MAP3K4: variants seen among roughly 807,000 people sequenced by gnomAD.
The protein encoded by MAP3K4 is mitogen-activated protein kinase kinase kinase 4, also known as MAP three kinase 1.
MAP3K4 carries 67 observed loss-of-function variants against 185.6 expected under a neutral mutation model. The ratio of observed to expected loss-of-function variants is 0.36; its 90% CI spans 0.30 to 0.44. The LOEUF is 0.44. MAP3K4 is among the 20% of genes least tolerant of loss of function. MAP3K4 has a pLI of 1.00. For missense variants in MAP3K4, 1,551 were observed against 1,995.1 expected (o/e 0.78, Z 4.24); for synonymous variants, 702 against 710.4 (o/e 0.99, Z 0.19).
In MAP3K4 at chr6:161,114,314, G is replaced by T. The variant is rs543321413; in HGVS notation, c.4627-809G>T. Among the ~76,000 whole-genome samples, 1 of 152,090 alleles carries T rather than the reference G, an allele frequency of 6.6e-6. No homozygotes were observed. Among genetic ancestry groups the T allele is most frequent in the African/African-American group, 2.4e-5 (1 of 41,426 alleles). On this transcript the variant is annotated intron_variant, in intron 25 of 26. Transcript: ENST00000392142. The surrounding 1 kb of genome is among the most constrained non-coding windows in gnomAD (Gnocchi z 4.3). Reference sequence around the variant, plus strand: ...CATGAACTGCACATGGTAGCTTACCGTACACATACAGTATTATAGCAAAAA... The same window carrying T: ...CATGAACTGCACATGGTAGCTTACCTTACACATACAGTATTATAGCAAAAA...
At position 161,103,130 on chromosome 6, in the gene MAP3K4, A is replaced by T. The variant is rs1473504045; in HGVS notation, c.3856+351A>T. Among the ~76,000 whole-genome samples, 1 of 152,260 alleles carries T rather than the reference A, an allele frequency of 6.6e-6. No homozygotes were observed. The highest frequency in any genetic ancestry group is 2.4e-5 in the African/African-American group (1 of 41,472). On this transcript the variant is annotated intron_variant, in intron 19 of 26. Transcript: ENST00000392142. The surrounding 1 kb of genome is among the most constrained non-coding windows in gnomAD (Gnocchi z 4.6). ...CATTGAGGGAAAGAACTTACGAAGCATGTGATTAATATTATCAAAAGAACA... is the reference window on the plus strand; with the variant it reads ...CATTGAGGGAAAGAACTTACGAAGCTTGTGATTAATATTATCAAAAGAACA...
chr6:161,042,335 G>A (rs187643998), intron 2 of MAP3K4, among the ~76,000 whole-genome samples: 14 of 152,182 alleles, frequency 9.2e-5, no homozygotes, highest in African/African-American at 2.9e-4. Context: ...TTAAAAAAAG[G>A]CATTTTATCT....
Position 160,991,917 on chromosome 6 carries a change from G to A in MAP3K4, c.-15G>A. ...GCTTACTGCCCGCCGCGGCCATGCGGGGCTCCGTGCACGGATGAGAGAAGC... is the reference window on the plus strand; with the variant it reads ...GCTTACTGCCCGCCGCGGCCATGCGAGGCTCCGTGCACGGATGAGAGAAGC... On this transcript the variant is annotated 5_prime_UTR_variant, in exon 1 of 27. Coordinates refer to ENST00000392142, the MANE Select transcript of MAP3K4 (RefSeq NM_005922.4). The surrounding 1 kb of genome is among the most constrained non-coding windows in gnomAD (Gnocchi z 5.7). 2 of 1,514,256 alleles carry A rather than the reference G, an allele frequency of 1.3e-6. No individual in the cohort carries two copies. Among genetic ancestry groups the A allele is most frequent in the Admixed American group, 2.0e-5 (1 of 49,404 alleles). The allele number at this position is 1,514,256 out of a possible 1,614,324, so 93.8% of individuals were successfully genotyped here. A position where few individuals can be genotyped will look rare whatever the true frequency, so the allele number is the denominator to read the frequency against.
chr6:160,994,618 CAT>C (rs1312917437), intron 1 of MAP3K4, among the ~76,000 whole-genome samples: 1 of 152,126 alleles, frequency 6.6e-6, no homozygotes, highest in Non-Finnish European at 1.5e-5. Context: ...GTGTCTTTTT[CAT>C]ATGATTAGTT....
Position 161,098,501 on chromosome 6 carries a change from G to C in MAP3K4, c.3674+74G>C. The C allele has an allele frequency of 1.3e-6, 2 of 1,499,814 alleles. No homozygotes were observed. The highest frequency in any genetic ancestry group is 1.8e-6 in the Non-Finnish European group (2 of 1,117,814). The allele number at this position is 1,499,814 out of a possible 1,614,324, so 92.9% of individuals were successfully genotyped here. A position where few individuals can be genotyped will look rare whatever the true frequency, so the allele number is the denominator to read the frequency against. ...GCTTACACAGCAACCATAGTGTTAG[G>C]GTGTGTGCCGGCTGTGGTTGGGCTT... On this transcript the variant is annotated intron_variant, in intron 17 of 26. Coordinates refer to ENST00000392142, the MANE Select transcript of MAP3K4 (RefSeq NM_005922.4). The surrounding 1 kb of genome is among the most constrained non-coding windows in gnomAD (Gnocchi z 4.4).
chr6:161,047,560 T>C (rs1783791960), intron 2 of MAP3K4, among the ~76,000 whole-genome samples: 1 of 151,950 alleles, frequency 6.6e-6, no homozygotes. Flanking sequence ...GTGTAGAGGG[T>C]AGATTGAGAT....
rs1411532909 is a variant in MAP3K4, at chr6:161,037,540, T to C, written c.343+3091T>C. Among the ~76,000 whole-genome samples the C allele has an allele frequency of 6.6e-6, 1 of 152,114 alleles. No homozygotes were observed. The highest frequency in any genetic ancestry group is 1.9e-4 in the East Asian group (1 of 5,182). ...TTCAAGCAATTCTCCTGCCTCACCCTCCCGAGTAGCTAGGACTACAGGCAT... is the reference window on the plus strand; with the variant it reads ...TTCAAGCAATTCTCCTGCCTCACCCCCCCGAGTAGCTAGGACTACAGGCAT... On this transcript the variant is annotated intron_variant, in intron 2 of 26. Coordinates refer to ENST00000392142, the MANE Select transcript of MAP3K4 (RefSeq NM_005922.4). This position sits in a 1 kb window ranked among gnomAD's most constrained non-coding sequence, Gnocchi z 4.2.
rs146392673 is a variant in MAP3K4 at position 161,115,247 on chromosome 6, G to A, written c.4751G>A (p.Ser1584Asn). ...GACTTCCTTTCTCACTGCCTTGAGA[G>A]TGACCCAAAGATGAGATGGACCGCC... ...GKDFLSHCLE[S>N]DPKMRWTASQ... Residue 1584 changes from serine to asparagine, a missense_variant, in exon 26 of 27, where the codon AGT becomes AAT. By Grantham distance (46) the Ser-to-Asn change is conservative. Coordinates refer to ENST00000392142, the MANE Select transcript of MAP3K4 (RefSeq NM_005922.4). The surrounding 1 kb of genome is among the most constrained non-coding windows in gnomAD (Gnocchi z 6.0). 2.4e-5 allele frequency: 39 copies of A among 1,614,056 alleles called. No homozygotes were observed. Among genetic ancestry groups the A allele is most frequent in the Non-Finnish European group, 3.0e-5 (35 of 1,180,002 alleles).
Position 161,070,644 on chromosome 6 carries a change from T to A in MAP3K4, c.1744T>A (p.Tyr582Asn). Residue 582 changes from tyrosine to asparagine, a missense_variant, in exon 4 of 27, where the codon TAT becomes AAT. Physicochemically the swap from Tyr to Asn is moderately radical, Grantham distance 143. Transcript: ENST00000392142. The surrounding 1 kb of genome is among the most constrained non-coding windows in gnomAD (Gnocchi z 4.5). ...TCCAGATCCCATGTGGGGTTCAGAT[T>A]ATGTGCAGTTGTCAAGGACACCACC... ...EFPDPMWGSD[Y>N]VQLSRTPPSS... 6.2e-7 allele frequency: 1 copy of A among 1,614,002 alleles called. No homozygotes were observed. Among genetic ancestry groups the A allele is most frequent in the Non-Finnish European group, 8.5e-7 (1 of 1,179,982 alleles).
In MAP3K4 at chr6:161,073,905, A is replaced by G. The variant is rs979463569; in HGVS notation, c.2097+293A>G. Among the ~76,000 whole-genome samples the G allele has an allele frequency of 6.6e-6, 1 of 152,218 alleles. No individual in the cohort carries two copies. The highest frequency in any genetic ancestry group is 2.4e-5 in the African/African-American group (1 of 41,452). ...GTTTTTAAGTTGGAAGTTTTTGACA[A>G]ACGTTAACCTAGTTCATTCTTTACT... On this transcript the variant is annotated intron_variant, in intron 5 of 26. Transcript: ENST00000392142. The surrounding 1 kb of genome is among the most constrained non-coding windows in gnomAD (Gnocchi z 4.2).
chr6:160,992,563 A>G (rs1272981748), intron 1 of MAP3K4, among the ~76,000 whole-genome samples: 1 of 152,166 alleles, frequency 6.6e-6, no homozygotes, highest in Non-Finnish European at 1.5e-5. Context: ...TGCCCGCTCC[A>G]GAGAATGCCT....
In MAP3K4 at chr6:161,022,108, C is replaced by T. The variant is rs1313218327; in HGVS notation, c.153-12151C>T. ...GCTGTTTTCTATTTCAACACACGCACACCGGCACACACCCAGGCTCATGTG... is the reference window on the plus strand; with the variant it reads ...GCTGTTTTCTATTTCAACACACGCATACCGGCACACACCCAGGCTCATGTG... On this transcript the variant is annotated intron_variant, in intron 1 of 26. Coordinates refer to ENST00000392142, the MANE Select transcript of MAP3K4 (RefSeq NM_005922.4). The surrounding 1 kb of genome is among the most constrained non-coding windows in gnomAD (Gnocchi z 4.2). 6.6e-6 allele frequency: 1 copy of T among 152,144 alleles called. No individual in the cohort carries two copies. Among genetic ancestry groups the T allele is most frequent in the Non-Finnish European group, 1.5e-5 (1 of 68,028 alleles). 9.4% of individuals were successfully genotyped at this position (152,144 alleles called of 1,614,324 possible).
chr6:161,016,085 A>T (rs1203837573), intron 1 of MAP3K4, among the ~76,000 whole-genome samples: 1 of 152,212 alleles, frequency 6.6e-6, no homozygotes, highest in Admixed American at 6.5e-5. Flanking sequence ...CCTAGTGGAT[A>T]TAAAGTGCTG....
rs35026195 is a variant in MAP3K4 at position 161,085,145 on chromosome 6, C to CA, written c.2372+542dup. Reference sequence around the variant, plus strand: ...TGGGTGACAGAGCAAGACTCCGTCTCAAAAAAAAAAAAAACTAAAGATAAA... The same window carrying CA: ...TGGGTGACAGAGCAAGACTCCGTCTCAAAAAAAAAAAAAAACTAAAGATAAA... On this transcript the variant is annotated intron_variant, in intron 7 of 26. Transcript: ENST00000392142. 8.6e-3 allele frequency among the ~76,000 whole-genome samples: 1,208 copies of CA among 140,598 alleles called. 8 individuals carry two copies. Among genetic ancestry groups the CA allele is most frequent in the Non-Finnish European group, 0.011 (715 of 64,224 alleles). 92.2% of individuals were successfully genotyped at this position (140,598 alleles called of 152,430 possible).
At chr6:161,027,374 A>G (rs1248053721) in intron 1 of MAP3K4, among the ~76,000 whole-genome samples, 2 of 152,220 alleles carry the variant, frequency 1.3e-5, no homozygotes, top group African/African-American at 2.4e-5. Flanking sequence ...AGAGAATTGT[A>G]GCTTCTACAT....
At chr6:161,059,670 T>C (rs1298156268) in intron 3 of MAP3K4, among the ~76,000 whole-genome samples, 1 of 152,230 alleles carries the variant, frequency 6.6e-6, no homozygotes, top group Non-Finnish European at 1.5e-5. Context: ...TATAGAAATT[T>C]CACATTTTTA....
intron 1 of MAP3K4, among the ~76,000 whole-genome samples, chr6:161,015,404 A>T (rs182742315): frequency 4.6e-5 from 7 of 152,242 alleles, no homozygotes; most frequent in Non-Finnish European, 7.4e-5. Flanking sequence ...CCACCATGGC[A>T]CACGTTTACC....
chr6:161,039,293 A>C (rs1325375975), intron 2 of MAP3K4, among the ~76,000 whole-genome samples: 2 of 151,836 alleles, frequency 1.3e-5, no homozygotes, highest in African/African-American at 2.4e-5. Flanking sequence ...AAAAAAAAAA[A>C]AAAAAAACAT....
At chr6:161,066,432 A>G (rs1784719105) in intron 3 of MAP3K4, among the ~76,000 whole-genome samples, 2 of 150,286 alleles carry the variant, frequency 1.3e-5, no homozygotes, top group South Asian at 4.2e-4. Context: ...GCTCTGAGTT[A>G]TAGTAATAAT....
Sources: allele counts gnomAD v4.1 joint callset (sites outside exome capture counted in the v4.1 genomes callset), GRCh38; gene constraint gnomAD v4.1.1; non-coding constraint Gnocchi (gnomAD v3.1); transcripts MANE v1.5; gene names NCBI Gene and HGNC (gene_info 2026-07-23, HGNC 2026-07-21).